The following MEOX2 variants were observed in gnomAD, a reference collection of about 807,000 sequenced individuals.
MEOX2 encodes homeobox protein MOX-2.
In MEOX2, 11 loss-of-function variants were observed where a neutral mutation model predicts 27.0. That is an observed-to-expected ratio of 0.41 (90% CI 0.26 to 0.68). MEOX2 has a LOEUF of 0.68. Ranked by LOEUF, MEOX2 falls within the 30% of genes least tolerant of loss-of-function variation. The pLI is 0.33. For synonymous variants in MEOX2, 189 were observed against 155.4 expected (o/e 1.22, Z -1.61); for missense variants, 436 against 385.4 (o/e 1.13, Z -1.10).
chr7:15,635,555 C>G (rs547796999), intron 1 of MEOX2, among the ~76,000 whole-genome samples: 1 of 151,954 alleles, frequency 6.6e-6, no homozygotes, highest in African/African-American at 2.4e-5. Context: ...CTACATATTA[C>G]GGGCACTCAA....
chr7:15,626,479 AAAT>A (rs1162114701), intron 2 of MEOX2, among the ~76,000 whole-genome samples: 1 of 152,074 alleles, frequency 6.6e-6, no homozygotes, highest in Non-Finnish European at 1.5e-5. Flanking sequence ...TATGTAAAAG[AAAT>A]AATATTTTAA....
chr7:15,623,466 C>G (rs182173156), intron 2 of MEOX2, among the ~76,000 whole-genome samples: 13 of 152,274 alleles, frequency 8.5e-5, no homozygotes, highest in African/African-American at 1.2e-4. Flanking sequence ...GCCTCCCAGG[C>G]TTAAATGTTT....
At chr7:15,645,332 T>C (rs1249401417) in intron 1 of MEOX2, among the ~76,000 whole-genome samples, 1 of 152,174 alleles carries the variant, frequency 6.6e-6, no homozygotes, top group African/African-American at 2.4e-5. Context: ...GTGCATTACA[T>C]AGTAAGCAGT....
intron 1 of MEOX2, among the ~76,000 whole-genome samples, chr7:15,675,099 T>G (rs1395739340): frequency 2.0e-5 from 3 of 152,144 alleles, no homozygotes; most frequent in Non-Finnish European, 2.9e-5. Flanking sequence ...ATGTTAAATT[T>G]TTAAACAAAA....
At chr7:15,624,163 T>G (rs1275215061) in intron 2 of MEOX2, among the ~76,000 whole-genome samples, 2 of 152,246 alleles carry the variant, frequency 1.3e-5, no homozygotes, top group Non-Finnish European at 2.9e-5. Context: ...CAGATTTTTT[T>G]CATAACAATT....
chr7:15,632,836 G>C (rs1382638641), intron 1 of MEOX2, among the ~76,000 whole-genome samples: 3 of 151,906 alleles, frequency 2.0e-5, no homozygotes, highest in East Asian at 1.9e-4. Context: ...TCTTGCTATA[G>C]TCCAGAGAGA....
chr7:15,628,448 T>G (rs1781349941), intron 1 of MEOX2, among the ~76,000 whole-genome samples: 1 of 152,100 alleles, frequency 6.6e-6, no homozygotes, highest in Non-Finnish European at 1.5e-5. Flanking sequence ...TCACAGACTG[T>G]TTCACTCACT....
intron 2 of MEOX2, among the ~76,000 whole-genome samples, chr7:15,615,746 G>A (rs1207906474): frequency 6.6e-6 from 1 of 151,820 alleles, no homozygotes; most frequent in Non-Finnish European, 1.5e-5. Flanking sequence ...ATTCCCTATA[G>A]GGATATTTTC....
chr7:15,643,764 T>C (rs761688389), intron 1 of MEOX2, among the ~76,000 whole-genome samples: 1 of 152,126 alleles, frequency 6.6e-6, no homozygotes, highest in Non-Finnish European at 1.5e-5. Context: ...CTCTTCTCTG[T>C]TTTCTAACAA....
At chr7:15,683,318 C>A (rs1782321835) in intron 1 of MEOX2, among the ~76,000 whole-genome samples, 1 of 151,934 alleles carries the variant, frequency 6.6e-6, no homozygotes, top group Non-Finnish European at 1.5e-5. Flanking sequence ...TTCTCTCAAC[C>A]ATAAATGCAA....
At chr7:15,616,887 C>T (rs1318612988) in intron 2 of MEOX2, among the ~76,000 whole-genome samples, 1 of 151,884 alleles carries the variant, frequency 6.6e-6, no homozygotes, top group Admixed American at 6.6e-5. Context: ...AGTCCCTGCC[C>T]TTAAGGTATT....
intron 1 of MEOX2, among the ~76,000 whole-genome samples, chr7:15,654,020 T>G (rs1274875144): frequency 6.6e-6 from 1 of 151,934 alleles, no homozygotes; most frequent in Non-Finnish European, 1.5e-5. Flanking sequence ...TTTACTATGT[T>G]AAATTTTCCA....
At chr7:15,632,584 AAAAC>A (rs1164821808) in intron 1 of MEOX2, among the ~76,000 whole-genome samples, 4 of 151,938 alleles carry the variant, frequency 2.6e-5, no homozygotes, top group African/African-American at 9.7e-5. Flanking sequence ...AAAATTAACA[AAAAC>A]AAAGTATTTT....
chr7:15,626,648 T>C lies in MEOX2; in HGVS notation c.690+98A>G, dbSNP rs1781312567. On this transcript the variant is annotated intron_variant, in intron 2 of 2. Transcript: ENST00000262041. ...TAGTATAACTGTCTTCCAAATGGTA[T>C]TCAAGAATTCTGGATCTAGGTATTT... 4.8e-6 allele frequency: 4 copies of C among 825,566 alleles called. No individual in the cohort carries two copies. In the South Asian group the frequency reaches 6.0e-5, roughly 12 times the overall value. The allele number at this position is 825,566 out of a possible 1,614,324, so 51.1% of individuals were successfully genotyped here. A position where few individuals can be genotyped will look rare whatever the true frequency, so the allele number is the denominator to read the frequency against.
chr7:15,619,160 T>A (rs4466293), intron 2 of MEOX2, among the ~76,000 whole-genome samples: 10 of 151,896 alleles, frequency 6.6e-5, no homozygotes, highest in Middle Eastern at 3.4e-3. Context: ...AGTAGAAAAT[T>A]TTCTTAAAAT....
chr7:15,623,904 C>G (rs961505677), intron 2 of MEOX2, among the ~76,000 whole-genome samples: 4 of 152,152 alleles, frequency 2.6e-5, no homozygotes, highest in Non-Finnish European at 5.9e-5. Context: ...GATTTTACTT[C>G]CAGCACTTAG....
chr7:15,673,293 T>C (rs1412329793), intron 1 of MEOX2, among the ~76,000 whole-genome samples: 1 of 152,120 alleles, frequency 6.6e-6, no homozygotes, highest in Non-Finnish European at 1.5e-5. Context: ...ATAGATATTA[T>C]ATGGCAAGGG....
At chr7:15,676,378 T>C (rs1331171924) in intron 1 of MEOX2, among the ~76,000 whole-genome samples, 1 of 152,192 alleles carries the variant, frequency 6.6e-6, no homozygotes, top group Non-Finnish European at 1.5e-5. Context: ...CAACTGGAAC[T>C]GCTAAAAATA....
At chr7:15,638,912 T>G (rs1285907027) in intron 1 of MEOX2, among the ~76,000 whole-genome samples, 1 of 152,122 alleles carries the variant, frequency 6.6e-6, no homozygotes, top group East Asian at 1.9e-4. Flanking sequence ...TTCCATAAAT[T>G]TGCTATTGTG....
Sources: allele counts gnomAD v4.1 joint callset (sites outside exome capture counted in the v4.1 genomes callset), GRCh38; gene constraint gnomAD v4.1.1; transcripts MANE v1.5; gene names NCBI Gene and HGNC (gene_info 2026-07-23, HGNC 2026-07-21).